The following STRN variants were observed in gnomAD, a reference collection of about 807,000 sequenced individuals.
STRN encodes protein phosphatase 2 regulatory subunit B'''alpha.
A neutral mutation model predicts 96.3 loss-of-function variants in STRN; 53 were observed. The ratio of observed to expected loss-of-function variants is 0.55; its 90% CI spans 0.44 to 0.69. STRN has a LOEUF of 0.69. Among genes scored for constraint, STRN ranks in the 30% least tolerant of loss-of-function variants. The pLI is 0.00. For synonymous variants in STRN, 428 were observed against 355.9 expected (o/e 1.20, Z -2.28); for missense variants, 987 against 963.9 (o/e 1.02, Z -0.32).
At chr2:36,869,481 C>A in intron 11 of STRN, 73 bp downstream of exon 11, 3 of 1,247,902 alleles carry the variant, frequency 2.4e-6, no homozygotes, top group South Asian at 2.2e-5. Context: ...TAACAGAAAT[C>A]ATAAAATATG....
At chr2:36,874,427 C>T (rs1162293875) in intron 10 of STRN, among the ~76,000 whole-genome samples, 3 of 151,872 alleles carry the variant, frequency 2.0e-5, no homozygotes, top group Non-Finnish European at 4.4e-5. Flanking sequence ...AGGTATAACA[C>T]ACATATAACT....
intron 3 of STRN, among the ~76,000 whole-genome samples, chr2:36,908,844 G>C (rs150323315): frequency 6.6e-6 from 1 of 152,004 alleles, no homozygotes; most frequent in African/African-American, 2.4e-5. Flanking sequence ...GGCTGGGTGC[G>C]GTGGCTCGTG....
chr2:36,895,284 G>A (rs550132368), intron 6 of STRN, among the ~76,000 whole-genome samples: 6 of 151,056 alleles, frequency 4.0e-5, no homozygotes, highest in South Asian at 2.1e-4. Flanking sequence ...CCAAGATCGC[G>A]CCACTGCACT....
At chr2:36,900,991 G>C (rs1008945099) in intron 5 of STRN, among the ~76,000 whole-genome samples, 4 of 149,756 alleles carry the variant, frequency 2.7e-5, no homozygotes, top group African/African-American at 9.8e-5. Flanking sequence ...TTTAGACAGA[G>C]AGCATTTTCC....
chr2:36,935,808 G>A (rs1670686985), intron 1 of STRN, among the ~76,000 whole-genome samples: 1 of 152,102 alleles, frequency 6.6e-6, no homozygotes, highest in African/African-American at 2.4e-5. Context: ...AAAAAAACAG[G>A]CAAGAACATA....
intron 1 of STRN, among the ~76,000 whole-genome samples, chr2:36,933,374 C>A (rs1420291118): frequency 6.6e-6 from 1 of 151,866 alleles, no homozygotes; most frequent in Non-Finnish European, 1.5e-5. Flanking sequence ...GAACCAATAC[C>A]CTACAGACAT....
intron 12 of STRN, among the ~76,000 whole-genome samples, chr2:36,864,597 G>A (rs1668574709): frequency 6.6e-6 from 1 of 152,190 alleles, no homozygotes; most frequent in Admixed American, 6.5e-5. Context: ...GTTCATCAAG[G>A]ATATTGGCCT....
At chr2:36,959,764 A>G (rs1664983232) in intron 1 of STRN, among the ~76,000 whole-genome samples, 1 of 152,244 alleles carries the variant, frequency 6.6e-6, no homozygotes, top group Non-Finnish European at 1.5e-5. Flanking sequence ...TTTTATAGAT[A>G]ATGTAAAAAC....
In STRN at chr2:36,849,446, A is replaced by T. The variant is rs1668164645; in HGVS notation, c.*10T>A. On this transcript the variant is annotated 3_prime_UTR_variant, in exon 18 of 18. Coordinates refer to ENST00000263918, the MANE Select transcript of STRN (RefSeq NM_003162.4). ...TATAAACAGCTAGAAGGTGAAGATG[A>T]TGCATTGCGTCATACAAAGACTTTA... 1 of 1,613,472 alleles carries T rather than the reference A, an allele frequency of 6.2e-7. No individual in the cohort carries two copies.
chr2:36,867,374 C>CAAA (rs970382446), intron 12 of STRN: 3 of 137,372 alleles, frequency 2.2e-5, no homozygotes, highest in African/African-American at 5.4e-5. Context: ...GACCCCGTCT[C>CAAA]AAAAAAAAAA....
intron 1 of STRN, among the ~76,000 whole-genome samples, chr2:36,959,757 T>A (rs1200980593): frequency 6.6e-6 from 1 of 152,216 alleles, no homozygotes; most frequent in African/African-American, 2.4e-5. Flanking sequence ...ACCAAACTTT[T>A]ATAGATAATG....
At chr2:36,866,216 A>G (rs1359973766) in intron 12 of STRN, among the ~76,000 whole-genome samples, 1 of 151,934 alleles carries the variant, frequency 6.6e-6, no homozygotes, top group Non-Finnish European at 1.5e-5. Context: ...CTGAGACTAC[A>G]GGAACACGTC....
chr2:36,899,504 T>C lies in STRN; in HGVS notation c.795+19A>G. 6.2e-7 allele frequency: 1 copy of C among 1,601,020 alleles called. No individual in the cohort carries two copies. The highest frequency in any genetic ancestry group is 8.5e-7 in the Non-Finnish European group (1 of 1,175,298). ...ATAGTCCCTAAAAATATTTATATTG[T>C]ATGAGTTATCTAACTCACTGTTGAA... is the stretch of plus-strand genomic sequence containing the variant. On this transcript the variant is annotated intron_variant, in intron 6 of 17. Coordinates refer to ENST00000263918, the MANE Select transcript of STRN (RefSeq NM_003162.4).
intron 3 of STRN, 120 bp downstream of exon 3, chr2:36,915,958 G>T: frequency 1.2e-6 from 1 of 837,898 alleles, no homozygotes. Flanking sequence ...AGACAAGCAG[G>T]TCAGAAAAAA....
chr2:36,871,000 A>T (rs961840054), intron 10 of STRN, among the ~76,000 whole-genome samples: 9 of 152,232 alleles, frequency 5.9e-5, no homozygotes, highest in South Asian at 4.1e-4. Context: ...TAAAAATTTT[A>T]AAAATAGGAA....
intron 6 of STRN, among the ~76,000 whole-genome samples, chr2:36,894,767 A>C (rs1466181136): frequency 1.3e-5 from 2 of 152,210 alleles, no homozygotes; most frequent in Admixed American, 6.5e-5. Flanking sequence ...GTGGCTTAAA[A>C]TTATAAAAGT....
chr2:36,944,527 G>T (rs1223905693), intron 1 of STRN, among the ~76,000 whole-genome samples: 1 of 152,066 alleles, frequency 6.6e-6, no homozygotes, highest in East Asian at 1.9e-4. Flanking sequence ...GTTCCTAGTA[G>T]AAACACAAAT....
intron 7 of STRN, among the ~76,000 whole-genome samples, chr2:36,887,353 C>T (rs930240956): frequency 9.9e-5 from 15 of 151,026 alleles, no homozygotes; most frequent in African/African-American, 2.9e-4. Context: ...GCCTGTAATC[C>T]CAGTTACTTG....
Sources: gnomAD v4.1 joint callset for allele counts (sites outside exome capture counted in the v4.1 genomes callset) on GRCh38, gnomAD v4.1.1 for gene constraint, MANE v1.5 for transcripts, NCBI Gene and HGNC (gene_info 2026-07-23, HGNC 2026-07-21) for gene names.